SPINK5: variants seen among roughly 807,000 people sequenced by gnomAD.
SPINK5 encodes the protein serine peptidase inhibitor Kazal type 5, also known as serine protease inhibitor Kazal-type 5.
Under a neutral mutation model 151.8 loss-of-function variants are expected in SPINK5, and 125 were observed. The ratio of observed to expected loss-of-function variants is 0.82; its 90% confidence interval spans 0.71 to 0.96. The LOEUF (loss-of-function observed/expected upper bound fraction) is 0.96. SPINK5 is among the 40% of genes least tolerant of loss of function. The pLI is 0.00. For synonymous variants in SPINK5, 374 were observed against 395.3 expected, an observed-to-expected ratio of 0.95 and a Z score of 0.64; for missense variants, 1,194 against 1,291.9, an observed-to-expected ratio of 0.92 and a Z score of 1.16.
At position 148,086,435 on chromosome 5, in the gene SPINK5, A is replaced by G. The variant is rs371334869; in HGVS notation, c.313A>G (p.Arg105Gly). The part of the protein sequence containing the change: ...LNCDDFKKGE[R>G]DGDFICPDYY... ...TTGTGATGATTTTAAAAAAGGAGAA[A>G]GAGATGGGGATTTTATCTGTCCTGA... is the stretch of plus-strand genomic sequence containing the variant. Residue 105 changes from arginine (R) to glycine (G), a missense_variant, in exon 5 of 33, where the codon AGA (arginine) becomes GGA (glycine). Arg to Gly is a moderately radical substitution (Grantham distance 125). Coordinates refer to ENST00000256084, the MANE Select transcript of SPINK5 (RefSeq NM_006846.4). 6.8e-6 allele frequency: 11 copies of G among 1,611,532 alleles called. No homozygotes were observed. The African/African-American group carries it at 1.5e-4, about 22-fold the overall frequency.
chr5:148,078,870 A>G (rs1752950939), intron 4 of SPINK5, among the ~76,000 whole-genome samples: 2 of 150,752 alleles, frequency 1.3e-5, no homozygotes, highest in Admixed American at 1.3e-4. Context: ...ATTAGAAAAC[A>G]AAGTTTAGCA....
intron 7 of SPINK5, chr5:148,090,660 A>G (rs1450838353): frequency 6.4e-6 from 1 of 155,248 alleles, no homozygotes; most frequent in Non-Finnish European, 1.4e-5. Context: ...TTCATTAACA[A>G]CTTAGTACTT....
Position 148,109,477 on chromosome 5 carries a change from A to C in SPINK5, c.1692+640A>C, listed in dbSNP as rs1581090356. The stretch of plus-strand genomic sequence containing the variant: ...ATATTTAATTAGTTACATATAATAC[A>C]ATTATATACTGATATATTATTTACT... On this transcript the variant is annotated intron_variant, in intron 18 of 32. Coordinates refer to ENST00000256084, the MANE Select transcript of SPINK5 (RefSeq NM_006846.4). 2.0e-5 allele frequency among the ~76,000 whole-genome samples: 3 copies of C among 150,472 alleles called. No individual in the cohort carries two copies. The East Asian group carries it at 5.8e-4, about 29-fold the overall frequency.
At chr5:148,124,971 A>C in intron 28 of SPINK5, 134 bp downstream of exon 28, 1 of 1,264,360 alleles carries the variant, frequency 7.9e-7, no homozygotes, top group South Asian at 2.4e-5. Flanking sequence ...TTGTCTTGTC[A>C]CTTTGTATCA....
intron 28 of SPINK5, 26 bp downstream of exon 28, chr5:148,124,863 A>G (rs1754390764): frequency 6.4e-7 from 1 of 1,565,326 alleles, no homozygotes; most frequent in African/African-American, 1.4e-5. Flanking sequence ...ATACCAAAAT[A>G]ACCATTTTAC....
chr5:148,089,648 T>G, intron 7 of SPINK5, 27 bp downstream of exon 7: 1 of 1,611,174 alleles, frequency 6.2e-7, no homozygotes. Flanking sequence ...CCAGGTGGAC[T>G]TGATGATGAT....
At chr5:148,091,264 G>C (rs757286599) in intron 8 of SPINK5, 36 bp downstream of exon 8, 1 of 1,589,572 alleles carries the variant, frequency 6.3e-7, no homozygotes, top group South Asian at 1.1e-5. Flanking sequence ...TGTTCTTGTG[G>C]CCATATTTAT....
chr5:148,133,893 T>C lies in SPINK5; in HGVS notation c.3186+6T>C. ...CAGCCAGCATGCCCCCGTCTGTAAG[T>C]ACATAAGTAGACTGGCCTCCATGGT... is the stretch of plus-strand genomic sequence containing the variant. On this transcript the variant is annotated splice_donor_region_variant and intron_variant, in intron 32 of 32. Transcript: ENST00000256084. 3.1e-6 allele frequency: 5 copies of C among 1,613,798 alleles called. No individual in the cohort carries two copies. Among genetic ancestry groups the C allele is most frequent in the Non-Finnish European group, 4.2e-6 (5 of 1,179,834 alleles).
At chr5:148,065,210 A>G in intron 1 of SPINK5, 137 bp from the exon 2 acceptor site, 1 of 824,016 alleles carries the variant, frequency 1.2e-6, no homozygotes, top group South Asian at 1.5e-5. Context: ...ATAAATCTTA[A>G]TGTGTTCAAA....
At chr5:148,125,528 A>G (rs947661725) in intron 28 of SPINK5, 195 bp from the exon 29 acceptor site, 2 of 1,613,740 alleles carry the variant, frequency 1.2e-6, no homozygotes, top group Non-Finnish European at 1.7e-6. Context: ...TTTCAGGACC[A>G]GTGCAGACAG....
intron 26 of SPINK5, among the ~76,000 whole-genome samples, chr5:148,121,609 C>T (rs952919708): frequency 4.0e-5 from 6 of 149,928 alleles, no homozygotes; most frequent in African/African-American, 1.5e-4. Context: ...AAATTTTGAA[C>T]AGAAAAATGC....
intron 9 of SPINK5, among the ~76,000 whole-genome samples, chr5:148,095,064 G>A (rs6864920): frequency 0.6 from 90,513 of 151,630 alleles, 27,443 homozygotes; most frequent in East Asian, 0.79. Context: ...AGTTCCTCCC[G>A]GTCTTGGCCA....
At chr5:148,100,756 C>G (rs1753619933) in intron 13 of SPINK5, among the ~76,000 whole-genome samples, 175 bp downstream of exon 13, 1 of 152,104 alleles carries the variant, frequency 6.6e-6, no homozygotes, top group African/African-American at 2.4e-5. Flanking sequence ...TGAAGATTGT[C>G]AAGACTTCAC....
chr5:148,100,256 CTA>C (rs1183975590), intron 12 of SPINK5, among the ~76,000 whole-genome samples, 196 bp from the exon 13 acceptor site: 2 of 152,032 alleles, frequency 1.3e-5, no homozygotes, highest in Non-Finnish European at 2.9e-5. Flanking sequence ...GGACATTGTG[CTA>C]TGTTTTATTT....
chr5:148,130,163 C>A (rs1257135920), intron 30 of SPINK5, among the ~76,000 whole-genome samples: 1 of 151,796 alleles, frequency 6.6e-6, no homozygotes, highest in Non-Finnish European at 1.5e-5. Context: ...TTTAGAACCT[C>A]TTTCTTTTCT....
chr5:148,120,314 A>G lies in SPINK5; in HGVS notation c.2461A>G (p.Lys821Glu). ...KEKLEREAAE[K>E]KKKEDEDRSN... ...CCCCAGGGAAAGGGAAGCAGCTGAA[A>G]AAAAAAAGAAAGAGGATGAAGACAG... Residue 821 changes from lysine (K) to glutamate (E), a missense_variant, in exon 26 of 33, where the codon AAA becomes GAA. Physicochemically the swap from Lys to Glu is moderately conservative, Grantham distance 56 (BLOSUM62 1). Transcript: ENST00000256084. 2 of 1,605,846 alleles carry G rather than the reference A, an allele frequency of 1.2e-6. No individual in the cohort carries two copies. Among genetic ancestry groups the G allele is most frequent in the South Asian group, 2.2e-5 (2 of 89,712 alleles).
At position 148,089,570 on chromosome 5, in the gene SPINK5, G is replaced by T. The variant is rs201812473; in HGVS notation, c.551G>T (p.Gly184Val). Residue 184 changes from glycine (G) to valine (V), a missense_variant, in exon 7 of 33, where the codon GGT (glycine) becomes GTT (valine). Gly to Val is a moderately radical substitution (Grantham distance 109). Transcript: ENST00000256084. ...ACAAGGGAAAATGATCCTGTTCTTGGTCCTGATGGGAAGACGCATGGCAAT... is the reference window on the plus strand; with the variant it reads ...ACAAGGGAAAATGATCCTGTTCTTGTTCCTGATGGGAAGACGCATGGCAAT... ...GCTRENDPVL[G>V]PDGKTHGNKC... 6.2e-7 allele frequency: 1 copy of T among 1,612,164 alleles called. No homozygotes were observed. The highest frequency in any genetic ancestry group is 8.5e-7 in the Non-Finnish European group (1 of 1,178,796).
At chr5:148,064,167 T>C (rs1372520263) in intron 1 of SPINK5, 68 bp downstream of exon 1, 11 of 1,570,464 alleles carry the variant, frequency 7.0e-6, no homozygotes, top group Non-Finnish European at 8.8e-6. Context: ...GGGACTTTTC[T>C]CCCCCTACTC....
At chr5:148,064,727 A>T (rs1179960271) in intron 1 of SPINK5, among the ~76,000 whole-genome samples, 1 of 152,068 alleles carries the variant, frequency 6.6e-6, no homozygotes, top group Non-Finnish European at 1.5e-5. Context: ...AAAAAGAGAA[A>T]CTCATAGATA....
Sources: gnomAD v4.1 joint callset for allele counts (sites outside exome capture counted in the v4.1 genomes callset) on GRCh38, gnomAD v4.1.1 for gene constraint, MANE v1.5 for transcripts, NCBI Gene and HGNC (gene_info 2026-07-23, HGNC 2026-07-21) for gene names.